CAMK1D: variants seen among roughly 807,000 people sequenced by gnomAD.
CAMK1D encodes the protein calcium/calmodulin dependent protein kinase ID, also known as calcium/calmodulin-dependent protein kinase type 1D.
CAMK1D carries 9 observed loss-of-function variants against 47.7 expected under a neutral mutation model. The observed-to-expected ratio is 0.19, with a 90% CI of 0.11 to 0.33. The LOEUF is 0.33. Among genes scored for constraint, CAMK1D ranks in the 10% least tolerant of loss-of-function variants. The pLI, the probability that CAMK1D is intolerant of heterozygous loss-of-function variation, is 1.00. For synonymous variants in CAMK1D, 184 were observed against 184.9 expected (o/e 0.99, Z 0.04); for missense variants, 291 against 488.7 (o/e 0.60, Z 3.81).
chr10:12,360,886 C>G (rs75604328), intron 1 of CAMK1D, among the ~76,000 whole-genome samples: 12,645 of 152,190 alleles, frequency 0.083, 704 homozygotes, highest in East Asian at 0.24. Flanking sequence ...CCGGGCCAGG[C>G]CGGGACTGCA....
chr10:12,589,716 G>A (rs923167871), intron 2 of CAMK1D, among the ~76,000 whole-genome samples: 5 of 152,164 alleles, frequency 3.3e-5, no homozygotes, highest in African/African-American at 4.8e-5. Flanking sequence ...GGGGCAGCAG[G>A]AATTAGTAAT....
chr10:12,554,533 A>C (rs1836698661), intron 2 of CAMK1D, among the ~76,000 whole-genome samples: 1 of 73,426 alleles, frequency 1.4e-5, no homozygotes, highest in African/African-American at 3.5e-5. Context: ...CACACATAGA[A>C]CCATTCATTT....
intron 6 of CAMK1D, among the ~76,000 whole-genome samples, chr10:12,796,069 CCTTT>C (rs550810345): frequency 7.8e-4 from 119 of 152,288 alleles, no homozygotes; most frequent in African/African-American, 2.8e-3. Context: ...ATGCGGCCCG[CCTTT>C]CTTCTCAGAA....
At chr10:12,404,051 CT>C (rs796293400) in intron 1 of CAMK1D, among the ~76,000 whole-genome samples, 81 of 144,880 alleles carry the variant, frequency 5.6e-4, no homozygotes, top group Middle Eastern at 3.6e-3. Context: ...TTTTCTTTTT[CT>C]TTTTTTTTTT....
At chr10:12,589,413 G>A (rs1439319819) in intron 2 of CAMK1D, among the ~76,000 whole-genome samples, 2 of 152,238 alleles carry the variant, frequency 1.3e-5, no homozygotes, top group Non-Finnish European at 2.9e-5. Flanking sequence ...CATGTGGCTG[G>A]AGGTGGTTTC....
chr10:12,623,459 C>CCTTT (rs796795216), intron 2 of CAMK1D, among the ~76,000 whole-genome samples: 8,012 of 13,748 alleles, frequency 0.58, 3,563 homozygotes, highest in Non-Finnish European at 0.74. Flanking sequence ...CTTCCTCCCT[C>CCTTT]CCTCTCTCCC....
intron 3 of CAMK1D, among the ~76,000 whole-genome samples, chr10:12,731,410 A>C (rs186934483): frequency 1.3e-5 from 2 of 152,314 alleles, no homozygotes; most frequent in East Asian, 3.9e-4. Context: ...AGAAGAGGAG[A>C]AGTTGTGAAA....
At chr10:12,374,942 C>CAAAAA (rs71384315) in intron 1 of CAMK1D, among the ~76,000 whole-genome samples, 1 of 94,538 alleles carries the variant, frequency 1.1e-5, no homozygotes, top group Non-Finnish European at 2.0e-5. Flanking sequence ...GACTCCGTCT[C>CAAAAA]AAAAAAAAAA....
intron 2 of CAMK1D, among the ~76,000 whole-genome samples, chr10:12,566,702 C>G (rs1480261695): frequency 1.3e-5 from 2 of 152,230 alleles, no homozygotes; most frequent in Non-Finnish European, 2.9e-5. Flanking sequence ...TTCCACATAA[C>G]CATACTTGCA....
chr10:12,472,774 G>A (rs887720006), intron 1 of CAMK1D, among the ~76,000 whole-genome samples: 5 of 152,080 alleles, frequency 3.3e-5, no homozygotes, highest in African/African-American at 9.7e-5. Flanking sequence ...CACCCGCCTC[G>A]GCCTCCCAAA....
rs189646500 is a variant in CAMK1D, at chr10:12,686,017, A to C, written c.299+19207A>C. ...ACATTCACTGTGTAGATAAAGACAC[A>C]CAGTTTTCTGGATTAGAATCACAGT... is the stretch of plus-strand genomic sequence containing the variant. On this transcript the variant is annotated intron_variant, in intron 3 of 10. Coordinates refer to ENST00000619168, the MANE Select transcript of CAMK1D (RefSeq NM_153498.4). Among the ~76,000 whole-genome samples, 782 of 152,264 alleles carry C rather than the reference A, an allele frequency of 5.1e-3. 3 individuals carry two copies. Among genetic ancestry groups the C allele is most frequent in the African/African-American group, 0.018 (730 of 41,544 alleles).
chr10:12,735,258 C>T (rs1017670545), intron 3 of CAMK1D, among the ~76,000 whole-genome samples: 2 of 152,250 alleles, frequency 1.3e-5, no homozygotes, highest in East Asian at 1.9e-4. Flanking sequence ...GGGCGGATCA[C>T]GAGGTCAGGA....
At chr10:12,542,800 C>T (rs1836238556) in intron 1 of CAMK1D, among the ~76,000 whole-genome samples, 2 of 149,650 alleles carry the variant, frequency 1.3e-5, no homozygotes, top group Admixed American at 1.3e-4. Context: ...TGGAGTGCAG[C>T]AGTGTGAACT....
intron 1 of CAMK1D, among the ~76,000 whole-genome samples, chr10:12,541,813 C>G (rs779036170): frequency 6.7e-6 from 1 of 148,250 alleles, no homozygotes; most frequent in East Asian, 2.0e-4. Context: ...AAGCCAAGTA[C>G]CACTGACTTC....
intron 1 of CAMK1D, among the ~76,000 whole-genome samples, chr10:12,412,572 G>A (rs1472832872): frequency 1.3e-5 from 2 of 149,340 alleles, no homozygotes; most frequent in Non-Finnish European, 3.0e-5. Context: ...GCAGTGAGCC[G>A]AGATCGTGTC....
At chr10:12,565,405 C>A (rs571598755) in intron 2 of CAMK1D, among the ~76,000 whole-genome samples, 2 of 152,242 alleles carry the variant, frequency 1.3e-5, no homozygotes, top group Admixed American at 1.3e-4. Context: ...AGGTGCCTGC[C>A]ACCATGCCTG....
chr10:12,787,869 G>A (rs1837802952), intron 5 of CAMK1D, among the ~76,000 whole-genome samples: 1 of 152,026 alleles, frequency 6.6e-6, no homozygotes, highest in African/African-American at 2.4e-5. Flanking sequence ...GCCTGGTGGT[G>A]CACGCCTGTA....
intron 3 of CAMK1D, among the ~76,000 whole-genome samples, chr10:12,673,568 G>A (rs905902668): frequency 2.0e-5 from 3 of 152,020 alleles, no homozygotes; most frequent in Admixed American, 6.5e-5. Context: ...TAATCATGTC[G>A]TCTGAAATTT....
chr10:12,624,708 C>G (rs976755707), intron 2 of CAMK1D, among the ~76,000 whole-genome samples: 2 of 152,182 alleles, frequency 1.3e-5, no homozygotes, highest in African/African-American at 4.8e-5. Flanking sequence ...TACGGGGGAG[C>G]CTGTCTCATT....
Sources: gnomAD v4.1 joint callset for allele counts (sites outside exome capture counted in the v4.1 genomes callset) on GRCh38, gnomAD v4.1.1 for gene constraint, MANE v1.5 for transcripts, NCBI Gene and HGNC (gene_info 2026-07-23, HGNC 2026-07-21) for gene names.